Variants in GCG observed in about 807,000 individuals in gnomAD.
The protein encoded by GCG is glucagon, also known as pro-glucagon.
In GCG, 11 loss-of-function variants were observed where a neutral mutation model predicts 22.8. That is an observed-to-expected ratio of 0.48 (90% CI 0.30 to 0.80). The LOEUF (loss-of-function observed/expected upper bound fraction) is 0.80. Among genes scored for constraint, GCG ranks in the 30% least tolerant of loss-of-function variants. The pLI, the probability that GCG is intolerant of heterozygous loss-of-function variation, is 0.06. For synonymous variants in GCG, 89 were observed against 72.4 expected, an observed-to-expected ratio of 1.23 and a Z score of -1.16; for missense variants, 222 against 222.0, an observed-to-expected ratio of 1.00 and a Z score of 0.00.
chr2:162,147,915 ATAT>A (rs1180189511), intron 2 of GCG, among the ~76,000 whole-genome samples: 1 of 152,134 alleles, frequency 6.6e-6, no homozygotes, highest in African/African-American at 2.4e-5. Context: ...TGTTTTGCAT[ATAT>A]TAATATGAAA....
intron 2 of GCG, among the ~76,000 whole-genome samples, chr2:162,148,425 A>C (rs1686749436): frequency 1.3e-5 from 2 of 152,112 alleles, no homozygotes; most frequent in Non-Finnish European, 2.9e-5. Context: ...AGCTAAACAA[A>C]TATTGTACAT....
chr2:162,151,494 T>C (rs1179099851), intron 1 of GCG, among the ~76,000 whole-genome samples: 1 of 152,186 alleles, frequency 6.6e-6, no homozygotes, highest in African/African-American at 2.4e-5. Context: ...ATTTTATTAC[T>C]ATTTATCCTC....
intron 1 of GCG, among the ~76,000 whole-genome samples, chr2:162,150,625 G>C (rs1329937707): frequency 2.0e-5 from 3 of 152,086 alleles, no homozygotes; most frequent in African/African-American, 7.2e-5. Flanking sequence ...TATTTAGGTA[G>C]TATCTACTGA....
chr2:162,148,818 TGATA>T (rs1686760324), intron 2 of GCG, among the ~76,000 whole-genome samples: 1 of 152,134 alleles, frequency 6.6e-6, no homozygotes, highest in Non-Finnish European at 1.5e-5. Context: ...AGTAATGAAT[TGATA>T]GATAGGATCA....
chr2:162,143,482 C>T, intron 5 of GCG, 112 bp from the exon 6 acceptor site: 1 of 499,998 alleles, frequency 2.0e-6, no homozygotes, highest in Non-Finnish European at 3.6e-6. Context: ...TTATTAATCC[C>T]TTTGTCCATA....
At position 162,147,442 on chromosome 2, in the gene GCG, C is replaced by T. The variant is rs1473200234; in HGVS notation, c.165G>A (p.Gln55=). Residue 55 remains glutamine (Q), a synonymous_variant, in exon 3 of 6, where the codon CAG becomes CAA. Coordinates refer to ENST00000418842, the MANE Select transcript of GCG (RefSeq NM_002054.5). The part of the protein sequence containing the change: ...DQMNEDKRHS[Q]GTFTSDYSKY... ...TGCTGTAGTCACTGGTGAATGTGCC[C>T]TGTGAATGGCGCTTGTCCTCGTTCA... 1 of 1,613,184 alleles carries T rather than the reference C, an allele frequency of 6.2e-7. No individual in the cohort carries two copies.
chr2:162,147,072 G>A (rs934686446), intron 3 of GCG, among the ~76,000 whole-genome samples: 1 of 152,040 alleles, frequency 6.6e-6, no homozygotes, highest in African/African-American at 2.4e-5. Context: ...TTCACTTTAA[G>A]GGAAAATGAG....
intron 5 of GCG, 26 bp from the exon 6 acceptor site, chr2:162,143,396 T>C (rs1686600215): frequency 2.4e-6 from 2 of 850,354 alleles, no homozygotes; most frequent in Non-Finnish European, 3.7e-6. Context: ...AGAAAATGAT[T>C]TAACATAATT....
In GCG at chr2:162,144,073, C is replaced by T. The variant is rs79305438; in HGVS notation, c.490G>A (p.Ala164Thr). 6.0e-4 allele frequency: 972 copies of T among 1,612,886 alleles called. 1 individual carries two copies. The highest frequency in any genetic ancestry group is 3.2e-3 in the Admixed American group (193 of 59,916). Residue 164 changes from alanine (A) to threonine (T), a missense_variant, in exon 5 of 6, where the codon GCC becomes ACC. Transcript: ENST00000418842. ...ATCAACCAGTTTATAAAGTCCCTGG[C>T]GGCAAGATTATCAAGAATGGTGTTC... Reference protein sequence around the residue: ...EMNTILDNLAARDFINWLIQT... With the variant: ...EMNTILDNLATRDFINWLIQT...
At chr2:162,147,644 A>C (rs763747526) in intron 2 of GCG, 130 bp from the exon 3 acceptor site, 8 of 824,454 alleles carry the variant, frequency 9.7e-6, no homozygotes, top group Non-Finnish European at 1.5e-5. Context: ...TTCAATAGGT[A>C]GTTTAGAAAG....
At chr2:162,147,309 T>C in intron 3 of GCG, 44 bp downstream of exon 3, 2 of 1,458,610 alleles carry the variant, frequency 1.4e-6, no homozygotes, top group Non-Finnish European at 1.9e-6. Flanking sequence ...TAGACCTATT[T>C]AATACATTTA....
At chr2:162,148,332 G>C (rs1446870770) in intron 2 of GCG, among the ~76,000 whole-genome samples, 1 of 152,068 alleles carries the variant, frequency 6.6e-6, no homozygotes, top group African/African-American at 2.4e-5. Flanking sequence ...AGTAAGAAAT[G>C]TAGGAAAGTG....
chr2:162,145,291 A>G (rs931464180), intron 4 of GCG: 1 of 349,302 alleles, frequency 2.9e-6, no homozygotes, highest in African/African-American at 2.1e-5. Flanking sequence ...TTGGCCAAAG[A>G]TTTAATACCT....
intron 5 of GCG, among the ~76,000 whole-genome samples, chr2:162,143,712 A>G (rs1168081059): frequency 1.3e-5 from 2 of 152,198 alleles, no homozygotes; most frequent in African/African-American, 4.8e-5. Context: ...AAATTTCAAC[A>G]TAGCAATTTT....
intron 1 of GCG, among the ~76,000 whole-genome samples, chr2:162,151,072 G>A (rs1236237388): frequency 6.6e-6 from 1 of 151,926 alleles, no homozygotes; most frequent in Non-Finnish European, 1.5e-5. Flanking sequence ...AGAGATTTAT[G>A]TTATTTTAGT....
At chr2:162,148,251 A>C (rs1236390785) in intron 2 of GCG, among the ~76,000 whole-genome samples, 1 of 152,124 alleles carries the variant, frequency 6.6e-6, no homozygotes, top group Non-Finnish European at 1.5e-5. Flanking sequence ...CAAGATATTA[A>C]AAAAGGTTTA....
chr2:162,143,378 T>G lies in GCG; in HGVS notation c.537-8A>C. 9.2e-7 allele frequency: 1 copy of G among 1,091,154 alleles called. No homozygotes were observed. The highest frequency in any genetic ancestry group is 2.6e-5 in the East Asian group (1 of 38,026). 67.6% of individuals were successfully genotyped at this position (1,091,154 alleles called of 1,614,324 possible). On this transcript the variant is annotated splice_polypyrimidine_tract_variant and splice_region_variant and intron_variant, in intron 5 of 5. Coordinates refer to ENST00000418842, the MANE Select transcript of GCG (RefSeq NM_002054.5). ...TAGTGATATAGTTATTTCCTAGAGA[T>G]TAAAAAAAGAAAATGATTTAACATA... is the stretch of plus-strand genomic sequence containing the variant.
rs188439268 is a variant in GCG, at chr2:162,150,894, A to G, written c.-10+1264T>C. Among the ~76,000 whole-genome samples, 3 of 152,180 alleles carry G rather than the reference A, an allele frequency of 2.0e-5. No homozygotes were observed. In the East Asian group the frequency reaches 5.8e-4, roughly 29 times the overall value. Reference sequence around the variant, plus strand: ...ATGGAAGAAAGAACAACCATAAACCACATAAAGAAGTGAGCGTTCCGTATC... The same window carrying G: ...ATGGAAGAAAGAACAACCATAAACCGCATAAAGAAGTGAGCGTTCCGTATC... On this transcript the variant is annotated intron_variant, in intron 1 of 5. Transcript: ENST00000418842.
intron 2 of GCG, among the ~76,000 whole-genome samples, chr2:162,148,194 G>T (rs1686742155): frequency 6.6e-6 from 1 of 152,090 alleles, no homozygotes; most frequent in Admixed American, 6.6e-5. Context: ...TTTCTATACT[G>T]CTGATGAGAG....
Sources: gnomAD v4.1 joint callset for allele counts (sites outside exome capture counted in the v4.1 genomes callset) on GRCh38, gnomAD v4.1.1 for gene constraint, MANE v1.5 for transcripts, NCBI Gene and HGNC (gene_info 2026-07-23, HGNC 2026-07-21) for gene names.